The following NRG3 variants were observed in gnomAD, a reference collection of about 807,000 sequenced individuals.
The protein encoded by NRG3 is pro-neuregulin-3, membrane-bound isoform.
Under a neutral mutation model 66.9 loss-of-function variants are expected in NRG3, and 31 were observed. The ratio of observed to expected loss-of-function variants is 0.46; its 90% CI spans 0.35 to 0.63. NRG3 has a LOEUF of 0.63. Among genes scored for constraint, NRG3 ranks in the 20% least tolerant of loss-of-function variants. The probability of loss-of-function intolerance (pLI) is 0.00; values close to 1 mark genes in which losing one functional copy is unlikely to be tolerated. For missense variants in NRG3, 910 were observed against 878.9 expected (o/e 1.04, Z -0.45); for synonymous variants, 393 against 359.4 (o/e 1.09, Z -1.06).
At chr10:82,932,787 G>A (rs1263048760) in intron 4 of NRG3, among the ~76,000 whole-genome samples, 3 of 152,156 alleles carry the variant, frequency 2.0e-5, no homozygotes, top group Non-Finnish European at 4.4e-5. Context: ...AGAGGAGGAA[G>A]GTCACTCGTC....
chr10:82,652,906 A>G (rs896922490), intron 2 of NRG3, among the ~76,000 whole-genome samples: 2 of 152,174 alleles, frequency 1.3e-5, no homozygotes, highest in Non-Finnish European at 2.9e-5. Context: ...TGGGTTATTT[A>G]TGCAGCAATA....
intron 2 of NRG3, among the ~76,000 whole-genome samples, chr10:82,451,450 G>A (rs898460513): frequency 3.3e-5 from 5 of 152,110 alleles, no homozygotes; most frequent in African/African-American, 4.8e-5. Flanking sequence ...ATTCATGTAG[G>A]TAAATATTAA....
At chr10:82,262,004 T>C (rs1299203017) in intron 1 of NRG3, among the ~76,000 whole-genome samples, 4 of 152,136 alleles carry the variant, frequency 2.6e-5, no homozygotes, top group African/African-American at 9.7e-5. Flanking sequence ...CACCATGTGA[T>C]GCACCTGCTC....
chr10:82,294,785 C>A (rs1028091894), intron 1 of NRG3, among the ~76,000 whole-genome samples: 1 of 152,112 alleles, frequency 6.6e-6, no homozygotes. Context: ...ATTCATCATG[C>A]ATAATTTCTG....
intron 1 of NRG3, among the ~76,000 whole-genome samples, chr10:81,889,891 T>G (rs1158970113): frequency 6.6e-6 from 1 of 152,204 alleles, no homozygotes; most frequent in African/African-American, 2.4e-5. Flanking sequence ...AAATCTGTGT[T>G]TCTCCTTCAT....
chr10:82,747,796 A>T (rs879713821), intron 3 of NRG3, among the ~76,000 whole-genome samples: 1 of 151,952 alleles, frequency 6.6e-6, no homozygotes, highest in Non-Finnish European at 1.5e-5. Flanking sequence ...GAAGCATACA[A>T]AAGTTTTGCC....
At chr10:82,745,873 C>T (rs150440824) in intron 3 of NRG3, among the ~76,000 whole-genome samples, 69 of 152,188 alleles carry the variant, frequency 4.5e-4, no homozygotes, top group African/African-American at 1.6e-3. Context: ...CTGTGGCATA[C>T]ATATGTATTC....
Position 82,744,855 on chromosome 10 carries a change from C to G in NRG3, c.1027+6205C>G, listed in dbSNP as rs184477969. Among the ~76,000 whole-genome samples the G allele has an allele frequency of 3.3e-5, 5 of 152,240 alleles. No individual in the cohort carries two copies. The East Asian group carries it at 9.6e-4, about 29-fold the overall frequency. The stretch of plus-strand genomic sequence containing the variant: ...ATAAAATACTCCATTCAGAGCATGT[C>G]ATGCTTGGGACATTGTGAGAGCTCA... On this transcript the variant is annotated intron_variant, in intron 3 of 8. Coordinates refer to ENST00000372141, the MANE Select transcript of NRG3 (RefSeq NM_001010848.4).
chr10:82,921,180 T>G (rs1846386960), intron 4 of NRG3, among the ~76,000 whole-genome samples: 10 of 152,130 alleles, frequency 6.6e-5, no homozygotes, highest in Admixed American at 6.5e-4. Flanking sequence ...ACTCTATTTC[T>G]CTGGTTTTCT....
intron 2 of NRG3, among the ~76,000 whole-genome samples, chr10:82,584,553 C>T (rs548771870): frequency 2.6e-5 from 4 of 152,302 alleles, no homozygotes; most frequent in Admixed American, 2.6e-4. Flanking sequence ...CTTTGAAAAA[C>T]TCTAGCTTGA....
At position 82,474,459 on chromosome 10, in the gene NRG3, T is replaced by C. The variant is rs185138992; in HGVS notation, c.953+115591T>C. On this transcript the variant is annotated intron_variant, in intron 2 of 8. Transcript: ENST00000372141. Reference sequence around the variant, plus strand: ...GTAAACAAATTATGGAGCTAAAACATACAATAACAACTGAAAATTTCACTA... The same window carrying C: ...GTAAACAAATTATGGAGCTAAAACACACAATAACAACTGAAAATTTCACTA... Among the ~76,000 whole-genome samples the C allele has an allele frequency of 2.8e-3, 433 of 152,158 alleles. 1 individual carries two copies. The highest frequency in any genetic ancestry group is 9.7e-3 in the African/African-American group (401 of 41,536).
intron 2 of NRG3, among the ~76,000 whole-genome samples, chr10:82,361,615 A>C (rs2084147999): frequency 1.3e-5 from 2 of 152,222 alleles, no homozygotes; most frequent in Admixed American, 6.5e-5. Context: ...CTATTGAATA[A>C]ATACATACAG....
At chr10:82,588,073 A>G (rs932384380) in intron 2 of NRG3, among the ~76,000 whole-genome samples, 2 of 152,204 alleles carry the variant, frequency 1.3e-5, no homozygotes, top group African/African-American at 4.8e-5. Context: ...TTTGGCAGAC[A>G]AGTACAAGTG....
At chr10:82,225,970 G>A (rs1470095357) in intron 1 of NRG3, among the ~76,000 whole-genome samples, 2 of 151,890 alleles carry the variant, frequency 1.3e-5, no homozygotes, top group Non-Finnish European at 2.9e-5. Context: ...TTTTCTTGTC[G>A]AGACTTGTAT....
chr10:82,626,585 G>A (rs2049438196), intron 2 of NRG3, among the ~76,000 whole-genome samples: 1 of 152,128 alleles, frequency 6.6e-6, no homozygotes, highest in African/African-American at 2.4e-5. Context: ...ATTCACTTGA[G>A]TAGAGAGCAT....
At position 81,875,241 on chromosome 10, in the gene NRG3, G is replaced by A; in HGVS notation, c.-100G>A. 4 of 724,944 alleles carry A rather than the reference G, an allele frequency of 5.5e-6. No individual in the cohort carries two copies. Among genetic ancestry groups the A allele is most frequent in the Non-Finnish European group, 6.7e-6 (4 of 596,062 alleles). The allele number at this position is 724,944 out of a possible 1,614,324, so 44.9% of individuals were successfully genotyped here. A position where few individuals can be genotyped will look rare whatever the true frequency, so the allele number is the denominator to read the frequency against. On this transcript the variant is annotated 5_prime_UTR_variant, in exon 1 of 9. Transcript: ENST00000372141. The surrounding 1 kb of genome is among the most constrained non-coding windows in gnomAD (Gnocchi z 5.3). ...GCCGCTGCCTGCGCCCGAGCCCGCC[G>A]CCGCCGCCGGAGCCCGCGCCCGCGC...
intron 1 of NRG3, among the ~76,000 whole-genome samples, chr10:81,996,487 G>A (rs146646715): frequency 6.6e-6 from 1 of 152,094 alleles, no homozygotes; most frequent in Non-Finnish European, 1.5e-5. Context: ...TGATATAATG[G>A]TGCAGGACTA....
intron 1 of NRG3, among the ~76,000 whole-genome samples, chr10:82,220,329 T>C (rs1029881744): frequency 9.9e-5 from 15 of 152,176 alleles, no homozygotes; most frequent in African/African-American, 3.6e-4. Flanking sequence ...TAAAAGGTCT[T>C]AGGAAGGCCA....
intron 2 of NRG3, among the ~76,000 whole-genome samples, chr10:82,428,824 T>G (rs898085845): frequency 8.6e-5 from 13 of 151,962 alleles, no homozygotes; most frequent in African/African-American, 2.7e-4. Context: ...ATCCAACTAT[T>G]AGGGCTGAAT....
Sources: gnomAD v4.1 joint callset for allele counts (sites outside exome capture counted in the v4.1 genomes callset) on GRCh38, gnomAD v4.1.1 for gene constraint, Gnocchi (gnomAD v3.1) non-coding constraint, MANE v1.5 for transcripts, NCBI Gene and HGNC (gene_info 2026-07-23, HGNC 2026-07-21) for gene names.